Variants in CDC14A observed in about 807,000 individuals in gnomAD.
CDC14A encodes the protein dual specificity protein phosphatase CDC14A.
Under a neutral mutation model 74.4 loss-of-function variants are expected in CDC14A, and 53 were observed. The ratio of observed to expected loss-of-function variants is 0.71; its 90% CI spans 0.57 to 0.89. The LOEUF is 0.89. Among genes scored for constraint, CDC14A ranks in the 40% least tolerant of loss-of-function variants. The pLI is 0.00. For synonymous variants in CDC14A, 247 were observed against 258.4 expected (o/e 0.96, Z 0.43); for missense variants, 646 against 713.7 (o/e 0.91, Z 1.08).
chr1:100,400,049 A>T (rs1440606861), intron 4 of CDC14A, among the ~76,000 whole-genome samples: 2 of 152,214 alleles, frequency 1.3e-5, no homozygotes, highest in Non-Finnish European at 2.9e-5. Context: ...AATGTGCTTA[A>T]TTGGAACTGC....
intron 5 of CDC14A, among the ~76,000 whole-genome samples, chr1:100,425,464 A>T (rs1232934490): frequency 2.0e-5 from 3 of 152,170 alleles, no homozygotes; most frequent in African/African-American, 4.8e-5. Flanking sequence ...ACTTTTAGTG[A>T]ATATTTGAAT....
At chr1:100,345,007 C>T (rs373230385), upstream of CDC14A, 1 of 152,096 alleles carries the variant, frequency 6.6e-6, no homozygotes, top group Non-Finnish European at 1.5e-5. Context: ...CACTAAGGAC[C>T]GAAAGAACGT....
intron 4 of CDC14A, among the ~76,000 whole-genome samples, chr1:100,412,709 TA>T (rs1384077369): frequency 1.0e-5 from 1 of 99,982 alleles, no homozygotes; most frequent in South Asian, 2.6e-4. Flanking sequence ...TATATATATA[TA>T]TATATATATA....
chr1:100,487,005 A>C (rs368218319), intron 11 of CDC14A, among the ~76,000 whole-genome samples: 1 of 152,208 alleles, frequency 6.6e-6, no homozygotes, highest in Non-Finnish European at 1.5e-5. Flanking sequence ...TATAAATTGC[A>C]CATGGGAAAA....
rs1413377518 is a variant in CDC14A, at chr1:100,352,704, T to C, written c.-251T>C. 2.2e-6 allele frequency: 3 copies of C among 1,358,910 alleles called. No homozygotes were observed. Among genetic ancestry groups the C allele is most frequent in the East Asian group, 6.2e-5 (2 of 32,338 alleles). 84.2% of individuals were successfully genotyped at this position (1,358,910 alleles called of 1,614,324 possible). ...AGCAGCTGCAGCAGCCGAGTCCAAA[T>C]AGGAGCGGCCACAGCCAGGGGCGTG... On this transcript the variant is annotated 5_prime_UTR_variant, in exon 1 of 16. Coordinates refer to ENST00000336454, the MANE Select transcript of CDC14A (RefSeq NM_003672.4).
chr1:100,353,054 TCACTTCCCGCGC>T lies in CDC14A; in HGVS notation c.49+56_49+67del, dbSNP rs751171815. On this transcript the variant is annotated intron_variant, in intron 1 of 15. Coordinates refer to ENST00000336454, the MANE Select transcript of CDC14A (RefSeq NM_003672.4). ...CCAACGCTTTCTTGCCCCCAACTCT[TCACTTCCCGCGC>T]CACTGTCCCCACCTTCTCCTGAGGC... is the stretch of plus-strand genomic sequence containing the variant. The T allele has an allele frequency of 1.0e-5, 16 of 1,590,946 alleles. No individual in the cohort carries two copies. The African/African-American group carries it at 2.1e-4, about 21-fold the overall frequency.
At chr1:100,353,062 C>G (rs548151346) in intron 1 of CDC14A, 59 bp downstream of exon 1, 7 of 1,567,252 alleles carry the variant, frequency 4.5e-6, no homozygotes, top group South Asian at 1.1e-5. Context: ...CTTCACTTCC[C>G]GCGCCACTGT....
chr1:100,345,526 C>T (rs899226219), intron 1 of CDC14A, among the ~76,000 whole-genome samples: 1 of 152,024 alleles, frequency 6.6e-6, no homozygotes, highest in Non-Finnish European at 1.5e-5. Context: ...AGAGAGATAC[C>T]TGAAAACCAG....
At chr1:100,486,289 C>T (rs1202965772) in intron 11 of CDC14A, among the ~76,000 whole-genome samples, 1 of 152,298 alleles carries the variant, frequency 6.6e-6, no homozygotes, top group East Asian at 1.9e-4. Flanking sequence ...TATTCTCATA[C>T]TCTTTTAATC....
At chr1:100,348,855 A>G (rs539497001), upstream of CDC14A, among the ~76,000 whole-genome samples, 1 of 152,346 alleles carries the variant, frequency 6.6e-6, no homozygotes, top group African/African-American at 2.4e-5. Flanking sequence ...GTTGCAGGGT[A>G]GTTGAAGCAG....
intron 11 of CDC14A, among the ~76,000 whole-genome samples, chr1:100,491,949 G>T (rs1220948309): frequency 6.6e-6 from 1 of 151,582 alleles, no homozygotes; most frequent in African/African-American, 2.4e-5. Context: ...AGCTGGGGAA[G>T]AACAGTGGCC....
chr1:100,394,633 T>C (rs1185588529), intron 4 of CDC14A, among the ~76,000 whole-genome samples: 1 of 152,220 alleles, frequency 6.6e-6, no homozygotes, highest in African/African-American at 2.4e-5. Context: ...GAAGAAGTGC[T>C]GAGTACAGCA....
At chr1:100,419,962 A>T (rs1171031069) in intron 4 of CDC14A, among the ~76,000 whole-genome samples, 1 of 146,256 alleles carries the variant, frequency 6.8e-6, no homozygotes, top group Non-Finnish European at 1.5e-5. Flanking sequence ...CAAAATATAA[A>T]TATAATTAAT....
intron 3 of CDC14A, among the ~76,000 whole-genome samples, chr1:100,378,424 T>G (rs1369137615): frequency 6.6e-6 from 1 of 152,324 alleles, no homozygotes; most frequent in East Asian, 1.9e-4. Context: ...CTAAATTATA[T>G]TGCTCAGGTA....
chr1:100,388,335 C>T (rs1657161998), intron 3 of CDC14A, among the ~76,000 whole-genome samples: 1 of 152,154 alleles, frequency 6.6e-6, no homozygotes, highest in Admixed American at 6.5e-5. Flanking sequence ...ACCCAACAGA[C>T]AATGAGACAA....
intron 3 of CDC14A, among the ~76,000 whole-genome samples, chr1:100,378,417 A>G (rs989291381): frequency 2.0e-5 from 3 of 152,202 alleles, no homozygotes; most frequent in Non-Finnish European, 4.4e-5. Flanking sequence ...ATAAATACTA[A>G]ATTATATTGC....
At chr1:100,370,851 A>T (rs570432715) in intron 2 of CDC14A, among the ~76,000 whole-genome samples, 1 of 152,262 alleles carries the variant, frequency 6.6e-6, no homozygotes, top group African/African-American at 2.4e-5. Flanking sequence ...GAAAAATGAT[A>T]CTGGTAGTGT....
Position 100,497,923 on chromosome 1 carries a change from CAG to C in CDC14A, c.1299-159_1299-158del, listed in dbSNP as rs35904273. On this transcript the variant is annotated intron_variant, in intron 13 of 15. Transcript: ENST00000336454. ...TTAAGGTTCTTAGAACAGTGCCTGG[CAG>C]AGTTAGTGCTGTGTCAGTGGTGGCT... Among the ~76,000 whole-genome samples the C allele has an allele frequency of 0.31, 47,404 of 152,046 alleles. 8,614 individuals carry two copies. Among genetic ancestry groups the C allele is most frequent in the East Asian group, 0.49 (2,507 of 5,160 alleles).
intron 4 of CDC14A, among the ~76,000 whole-genome samples, chr1:100,420,051 C>CATATATATATAT (rs1430165704): frequency 2.7e-4 from 4 of 14,842 alleles, no homozygotes; most frequent in African/African-American, 5.0e-4. Flanking sequence ...CACACACACA[C>CATATATATATAT]ACACACACAC....
Sources: gnomAD v4.1 joint callset for allele counts (sites outside exome capture counted in the v4.1 genomes callset) on GRCh38, gnomAD v4.1.1 for gene constraint, MANE v1.5 for transcripts, NCBI Gene and HGNC (gene_info 2026-07-23, HGNC 2026-07-21) for gene names.